DPP10: variants seen among roughly 807,000 people sequenced by gnomAD.
DPP10 encodes dipeptidyl peptidase like 10.
A neutral mutation model predicts 120.9 loss-of-function variants in DPP10; 33 were observed. The observed-to-expected ratio is 0.27, with a 90% confidence interval of 0.21 to 0.37. The LOEUF is 0.37. Among genes scored for constraint, DPP10 ranks in the 10% least tolerant of loss-of-function variants. The pLI, the probability that DPP10 is intolerant of heterozygous loss-of-function variation, is 1.00. For synonymous variants in DPP10, 337 were observed against 326.1 expected, an observed-to-expected ratio of 1.03 and a Z score of -0.36; for missense variants, 816 against 942.8, an observed-to-expected ratio of 0.87 and a Z score of 1.76.
At chr2:115,483,180 A>T (rs549639476) in intron 3 of DPP10, among the ~76,000 whole-genome samples, 48 of 152,232 alleles carry the variant, frequency 3.2e-4, no homozygotes, top group African/African-American at 1.0e-3. Flanking sequence ...CATACTCAAG[A>T]TCACTTTATT....
chr2:115,783,651 C>T (rs1159516193), intron 17 of DPP10, among the ~76,000 whole-genome samples: 2 of 151,958 alleles, frequency 1.3e-5, no homozygotes, highest in Admixed American at 6.6e-5. Context: ...TCATTATTTC[C>T]GTCTTCAGTG....
At chr2:114,572,860 C>A (rs947273897) in intron 1 of DPP10, among the ~76,000 whole-genome samples, 2 of 152,310 alleles carry the variant, frequency 1.3e-5, no homozygotes, top group Non-Finnish European at 2.9e-5. Context: ...CTTTTAGAAG[C>A]AAAGCCTGTG....
At chr2:114,985,752 G>A (rs756049789) in intron 1 of DPP10, among the ~76,000 whole-genome samples, 1 of 152,192 alleles carries the variant, frequency 6.6e-6, no homozygotes, top group Non-Finnish European at 1.5e-5. Flanking sequence ...CATAGTAAAA[G>A]ATTGACTGTT....
chr2:115,058,158 C>T (rs978670500), intron 1 of DPP10, among the ~76,000 whole-genome samples: 2 of 151,998 alleles, frequency 1.3e-5, no homozygotes, highest in African/African-American at 4.8e-5. Context: ...GAACATTCCC[C>T]CACAATGGGT....
intron 1 of DPP10, among the ~76,000 whole-genome samples, chr2:114,548,797 C>A (rs1279344662): frequency 6.6e-6 from 1 of 152,118 alleles, no homozygotes; most frequent in East Asian, 1.9e-4. Context: ...TCCTATGGCA[C>A]CAGTTGCTTG....
intron 19 of DPP10, among the ~76,000 whole-genome samples, chr2:115,805,419 G>T (rs62156338): frequency 0.08 from 12,218 of 152,028 alleles, 656 homozygotes; most frequent in Non-Finnish European, 0.12. Flanking sequence ...CTCACACAGG[G>T]TGCGCTGTAC....
At chr2:115,691,531 C>T (rs1178956728) in intron 7 of DPP10, among the ~76,000 whole-genome samples, 1 of 152,126 alleles carries the variant, frequency 6.6e-6, no homozygotes, top group Non-Finnish European at 1.5e-5. Context: ...ATCCATGAGT[C>T]TTCTTCCGGC....
chr2:115,379,032 G>A (rs1013819252), intron 3 of DPP10, among the ~76,000 whole-genome samples: 1 of 152,090 alleles, frequency 6.6e-6, no homozygotes, highest in African/African-American at 2.4e-5. Flanking sequence ...TTGTTTCTCT[G>A]CCCGGCTTTG....
chr2:114,951,104 T>C (rs1697751822), intron 1 of DPP10, among the ~76,000 whole-genome samples: 1 of 152,164 alleles, frequency 6.6e-6, no homozygotes, highest in Non-Finnish European at 1.5e-5. Flanking sequence ...TATAGTACAT[T>C]AGTGAGCTAC....
At chr2:114,764,366 G>T (rs1158352648) in intron 1 of DPP10, among the ~76,000 whole-genome samples, 1 of 141,740 alleles carries the variant, frequency 7.1e-6, no homozygotes, top group Non-Finnish European at 1.5e-5. Context: ...AGAAAAAACA[G>T]TTTTGATCTC....
chr2:114,664,626 CAAA>C (rs374561367), intron 1 of DPP10, among the ~76,000 whole-genome samples: 25 of 81,580 alleles, frequency 3.1e-4, no homozygotes, highest in Admixed American at 1.4e-3. Flanking sequence ...GACTCCGTCT[CAAA>C]AAAAAAAAAA....
intron 5 of DPP10, among the ~76,000 whole-genome samples, chr2:115,527,240 T>G (rs1022145536): frequency 1.3e-5 from 2 of 152,190 alleles, no homozygotes; most frequent in Admixed American, 6.6e-5. Flanking sequence ...CCTAATAGAT[T>G]GTTGGCAAAG....
rs192714131 is a variant in DPP10, at chr2:114,651,481, C to T, written c.60+208643C>T. ...AACCACCCCTCATACCCTGTACCCA[C>T]CAAGCCTAAATCCATCTCAGATGGA... is the stretch of plus-strand genomic sequence containing the variant. On this transcript the variant is annotated intron_variant, in intron 1 of 25. Coordinates refer to ENST00000410059, the MANE Select transcript of DPP10 (RefSeq NM_020868.6). Among the ~76,000 whole-genome samples the T allele has an allele frequency of 3.3e-4, 50 of 152,240 alleles. No homozygotes were observed. In the East Asian group the frequency reaches 8.7e-3, roughly 26 times the overall value.
At chr2:114,921,669 T>G (rs1481085343) in intron 1 of DPP10, among the ~76,000 whole-genome samples, 1 of 152,244 alleles carries the variant, frequency 6.6e-6, no homozygotes, top group Non-Finnish European at 1.5e-5. Flanking sequence ...ATGCTCTATT[T>G]CTTATCACTG....
intron 2 of DPP10, among the ~76,000 whole-genome samples, chr2:115,317,024 G>A (rs1017731712): frequency 1.3e-5 from 2 of 152,158 alleles, no homozygotes. Flanking sequence ...AGACGGAGAA[G>A]TTGAGGCTGT....
At chr2:115,298,736 A>G (rs1365302842) in intron 1 of DPP10, among the ~76,000 whole-genome samples, 1 of 152,012 alleles carries the variant, frequency 6.6e-6, no homozygotes, top group Non-Finnish European at 1.5e-5. Flanking sequence ...CTGGCCCTGG[A>G]GATTCAGAAG....
At chr2:115,491,404 G>A (rs111742478) in intron 3 of DPP10, among the ~76,000 whole-genome samples, 1 of 152,258 alleles carries the variant, frequency 6.6e-6, no homozygotes, top group Non-Finnish European at 1.5e-5. Context: ...TGAAACCTGA[G>A]AGGTGCTCCT....
chr2:115,699,897 T>C (rs2091809461), intron 7 of DPP10, among the ~76,000 whole-genome samples: 2 of 152,224 alleles, frequency 1.3e-5, no homozygotes, highest in Admixed American at 1.3e-4. Flanking sequence ...AATGTAATTG[T>C]ATTAGTCCCT....
At chr2:115,309,753 AT>A (rs1034794257) in intron 2 of DPP10, among the ~76,000 whole-genome samples, 11 of 152,082 alleles carry the variant, frequency 7.2e-5, no homozygotes, top group African/African-American at 2.7e-4. Flanking sequence ...GAAAGACAGG[AT>A]TTGATGGAAA....
Sources: gnomAD v4.1 joint callset for allele counts (sites outside exome capture counted in the v4.1 genomes callset) on GRCh38, gnomAD v4.1.1 for gene constraint, MANE v1.5 for transcripts, NCBI Gene and HGNC (gene_info 2026-07-23, HGNC 2026-07-21) for gene names.